Variants in ZMYND12 observed in about 807,000 individuals in gnomAD.
ZMYND12 encodes the protein zinc finger MYND domain-containing protein 12.
ZMYND12 carries 32 observed loss-of-function variants against 41.7 expected under a neutral mutation model. That is an observed-to-expected ratio of 0.77 (90% CI 0.58 to 1.03). ZMYND12 has a LOEUF of 1.03. Ranked by LOEUF, ZMYND12 falls within the 50% of genes least tolerant of loss-of-function variation. The pLI, the probability that ZMYND12 is intolerant of heterozygous loss-of-function variation, is 0.00. For missense variants in ZMYND12, 424 were observed against 438.5 expected (o/e 0.97, Z 0.30); for synonymous variants, 148 against 164.8 (o/e 0.90, Z 0.78).
chr1:42,442,560 C>T (rs1372472914), intron 3 of ZMYND12, among the ~76,000 whole-genome samples: 2 of 152,084 alleles, frequency 1.3e-5, no homozygotes, highest in Admixed American at 6.6e-5. Flanking sequence ...AATAGAAAGC[C>T]ACTACGTCAG....
intron 2 of ZMYND12, among the ~76,000 whole-genome samples, chr1:42,449,410 T>C (rs1417169594): frequency 6.6e-6 from 1 of 152,186 alleles, no homozygotes; most frequent in Non-Finnish European, 1.5e-5. Flanking sequence ...TGACTATAAT[T>C]GGAGCTAGGG....
intron 3 of ZMYND12, among the ~76,000 whole-genome samples, chr1:42,442,754 G>A (rs541362292): frequency 6.6e-6 from 1 of 152,212 alleles, no homozygotes; most frequent in South Asian, 2.1e-4. Flanking sequence ...TATTCTAGTT[G>A]TAACCCTACA....
In ZMYND12 at chr1:42,430,432, A is replaced by T. The variant is rs1171167929; in HGVS notation, c.*304T>A. The T allele has an allele frequency of 3.9e-6, 1 of 259,662 alleles. No individual in the cohort carries two copies. Among genetic ancestry groups the T allele is most frequent in the Non-Finnish European group, 7.4e-6 (1 of 134,926 alleles). The allele number at this position is 259,662 out of a possible 1,614,324, so 16.1% of individuals were successfully genotyped here. On this transcript the variant is annotated 3_prime_UTR_variant, in exon 8 of 8. Transcript: ENST00000372565. ...GAAGACTTCTGGGAAATGACAAACT[A>T]TTTGTAGTTTAATTACAAATACCAT...
intron 7 of ZMYND12, among the ~76,000 whole-genome samples, chr1:42,432,182 G>A (rs199534328): frequency 6.6e-6 from 1 of 150,616 alleles, no homozygotes; most frequent in South Asian, 2.1e-4. Context: ...TCAGCCTCCC[G>A]AGTGGCTGGG....
At chr1:42,455,493 C>T (rs549216355) in intron 1 of ZMYND12, among the ~76,000 whole-genome samples, 23 of 152,328 alleles carry the variant, frequency 1.5e-4, no homozygotes, top group African/African-American at 5.1e-4. Flanking sequence ...AGGCTGGTCT[C>T]GAACTCCTGA....
At chr1:42,455,182 T>A (rs1425188876) in intron 1 of ZMYND12, among the ~76,000 whole-genome samples, 1 of 152,232 alleles carries the variant, frequency 6.6e-6, no homozygotes, top group Non-Finnish European at 1.5e-5. Context: ...ATGCCGGGAA[T>A]GCCCTACCCT....
At chr1:42,434,182 C>A (rs765406145) in intron 6 of ZMYND12, among the ~76,000 whole-genome samples, 4 of 152,124 alleles carry the variant, frequency 2.6e-5, no homozygotes, top group Non-Finnish European at 5.9e-5. Context: ...ACCAACTGCA[C>A]TGTATGTCTC....
At chr1:42,437,625 G>T (rs1308782967) in intron 4 of ZMYND12, among the ~76,000 whole-genome samples, 2 of 148,300 alleles carry the variant, frequency 1.3e-5, no homozygotes, top group East Asian at 3.9e-4. Flanking sequence ...TGATTCTTTT[G>T]CCTCAGCCTT....
chr1:42,452,295 G>A (rs1378671399), intron 1 of ZMYND12, among the ~76,000 whole-genome samples: 1 of 152,218 alleles, frequency 6.6e-6, no homozygotes, highest in Non-Finnish European at 1.5e-5. Context: ...GGAAGCAATA[G>A]TATTTGTAGT....
intron 1 of ZMYND12, among the ~76,000 whole-genome samples, chr1:42,455,182 T>G (rs1425188876): frequency 1.3e-5 from 2 of 152,350 alleles, no homozygotes; most frequent in East Asian, 3.9e-4. Context: ...ATGCCGGGAA[T>G]GCCCTACCCT....
intron 2 of ZMYND12, among the ~76,000 whole-genome samples, chr1:42,449,209 A>C (rs1013892532): frequency 6.6e-6 from 1 of 152,234 alleles, no homozygotes; most frequent in African/African-American, 2.4e-5. Context: ...ATACTCAATA[A>C]TACTCAACAC....
intron 3 of ZMYND12, among the ~76,000 whole-genome samples, chr1:42,444,399 G>T (rs1643000455): frequency 1.3e-5 from 2 of 152,196 alleles, no homozygotes; most frequent in Admixed American, 6.6e-5. Context: ...ACAGGAAAGT[G>T]ATTTCTTTAG....
At chr1:42,444,891 T>G (rs1266806806) in intron 3 of ZMYND12, among the ~76,000 whole-genome samples, 3 of 146,350 alleles carry the variant, frequency 2.0e-5, no homozygotes, top group Admixed American at 1.4e-4. Flanking sequence ...CACTGTAAGC[T>G]CCGCCCCCCG....
chr1:42,430,357 C>G lies in ZMYND12; in HGVS notation c.*379G>C, dbSNP rs1642834717. The G allele has an allele frequency of 1.1e-5, 2 of 175,304 alleles. No homozygotes were observed. The highest frequency in any genetic ancestry group is 4.7e-5 in the African/African-American group (2 of 42,574). 10.9% of individuals were successfully genotyped at this position (175,304 alleles called of 1,614,324 possible). A position where few individuals can be genotyped will look rare whatever the true frequency, so the allele number is the denominator to read the frequency against. The stretch of plus-strand genomic sequence containing the variant: ...GTTCCAATATAGCTTTATTCCCTAC[C>G]CCCTCCTTTACCCCTCCTTTAGCAA... On this transcript the variant is annotated 3_prime_UTR_variant, in exon 8 of 8. Coordinates refer to ENST00000372565, the MANE Select transcript of ZMYND12 (RefSeq NM_032257.5).
At chr1:42,438,252 T>C (rs1370934277) in intron 4 of ZMYND12, among the ~76,000 whole-genome samples, 1 of 152,138 alleles carries the variant, frequency 6.6e-6, no homozygotes, top group Admixed American at 6.5e-5. Flanking sequence ...CTCAATAAGA[T>C]TGCCTGAAGA....
intron 3 of ZMYND12, among the ~76,000 whole-genome samples, chr1:42,443,559 A>C (rs1350583928): frequency 2.0e-5 from 3 of 152,190 alleles, no homozygotes; most frequent in Non-Finnish European, 4.4e-5. Flanking sequence ...AGCATACAGC[A>C]GTCACAGCTG....
chr1:42,449,154 G>A (rs1643054251), intron 2 of ZMYND12, among the ~76,000 whole-genome samples: 1 of 152,126 alleles, frequency 6.6e-6, no homozygotes, highest in East Asian at 1.9e-4. Flanking sequence ...AGAGATTTAT[G>A]GCTTATAATA....
intron 1 of ZMYND12, among the ~76,000 whole-genome samples, chr1:42,451,459 A>G (rs1437023104): frequency 6.6e-6 from 1 of 152,224 alleles, no homozygotes; most frequent in Non-Finnish European, 1.5e-5. Context: ...ACAGGTAACA[A>G]TAATCTAGAG....
intron 7 of ZMYND12, chr1:42,432,771 AT>A (rs1642866265): frequency 1.1e-5 from 2 of 181,810 alleles, no homozygotes; most frequent in Non-Finnish European, 2.2e-5. Context: ...TTTTTGAATC[AT>A]TTCATGGCAA....
Sources: gnomAD v4.1 joint callset for allele counts (sites outside exome capture counted in the v4.1 genomes callset) on GRCh38, gnomAD v4.1.1 for gene constraint, MANE v1.5 for transcripts, NCBI Gene and HGNC (gene_info 2026-07-23, HGNC 2026-07-21) for gene names.